CMYA5: variants seen among roughly 807,000 people sequenced by gnomAD.
The protein encoded by CMYA5 is cardiomyopathy associated 5.
In CMYA5, 246 loss-of-function variants were observed where a neutral mutation model predicts 318.9. That is an observed-to-expected ratio of 0.77 (90% CI 0.70 to 0.86). The LOEUF (loss-of-function observed/expected upper bound fraction) is 0.86. CMYA5 is among the 40% of genes least tolerant of loss of function. CMYA5 has a pLI of 0.00. For missense variants in CMYA5, 4,589 were observed against 4,678.2 expected, an observed-to-expected ratio of 0.98 and a Z score of 0.56; for synonymous variants, 1,641 against 1,729.5, an observed-to-expected ratio of 0.95 and a Z score of 1.27.
chr5:79,777,500 G>C (rs746733122), intron 9 of CMYA5, among the ~76,000 whole-genome samples: 2 of 152,174 alleles, frequency 1.3e-5, no homozygotes, highest in Non-Finnish European at 2.9e-5. Context: ...GGCCAGGTGT[G>C]ATGGCTCATG....
At chr5:79,789,186 A>C (rs1233971391) in intron 10 of CMYA5, 82 bp downstream of exon 10, 6 of 1,470,532 alleles carry the variant, frequency 4.1e-6, no homozygotes, top group Non-Finnish European at 5.6e-6. Context: ...CCTAGAGGGC[A>C]ACTTTATAAA....
At chr5:79,701,090 C>CCAAAAAAAAAAA (rs55791310) in intron 1 of CMYA5, among the ~76,000 whole-genome samples, 5 of 114,928 alleles carry the variant, frequency 4.4e-5, no homozygotes, top group African/African-American at 3.1e-5. Flanking sequence ...ACTAAAAATA[C>CCAAAAAAAAAAA]AAAAAAAAAA....
At chr5:79,790,592 A>C (rs1241587074) in intron 10 of CMYA5, among the ~76,000 whole-genome samples, 2 of 152,144 alleles carry the variant, frequency 1.3e-5, no homozygotes, top group African/African-American at 4.8e-5. Flanking sequence ...TTTAATATGC[A>C]CACAGATTTC....
chr5:79,725,830 G>T (rs1827736834), intron 1 of CMYA5, among the ~76,000 whole-genome samples: 1 of 152,186 alleles, frequency 6.6e-6, no homozygotes, highest in Non-Finnish European at 1.5e-5. Flanking sequence ...CTTAAACCCA[G>T]GAGGCAGAGG....
chr5:79,733,506 G>T lies in CMYA5; in HGVS notation c.4741G>T (p.Ala1581Ser). 1 of 1,613,956 alleles carries T rather than the reference G, an allele frequency of 6.2e-7. No homozygotes were observed. The highest frequency in any genetic ancestry group is 8.5e-7 in the Non-Finnish European group (1 of 1,179,840). Reference sequence around the variant, plus strand: ...GTTGGAAAATTTAGCATCAGGTTTAGCCCCAACATTACTGCTCCTCAGTGA... The same window carrying T: ...GTTGGAAAATTTAGCATCAGGTTTATCCCCAACATTACTGCTCCTCAGTGA... ...PELENLASGL[A>S]PTLLLLSDDK... Residue 1581 changes from alanine to serine, a missense_variant, in exon 2 of 13, where the codon GCC becomes TCC. Physicochemically the swap from Ala to Ser is moderately conservative, Grantham distance 99 (BLOSUM62 1). Transcript: ENST00000446378.
intron 1 of CMYA5, among the ~76,000 whole-genome samples, chr5:79,724,801 T>C (rs12655355): frequency 0.082 from 12,438 of 152,280 alleles, 883 homozygotes; most frequent in East Asian, 0.4. Flanking sequence ...ATGCTAATAC[T>C]GTATAATCAT....
intron 5 of CMYA5, among the ~76,000 whole-genome samples, chr5:79,751,615 C>G (rs1045176193): frequency 2.0e-5 from 3 of 152,134 alleles, no homozygotes; most frequent in African/African-American, 7.2e-5. Context: ...ATATCCACAC[C>G]CCCACAAAAC....
At chr5:79,772,252 A>G (rs1159524684) in intron 9 of CMYA5, among the ~76,000 whole-genome samples, 1 of 152,198 alleles carries the variant, frequency 6.6e-6, no homozygotes, top group African/African-American at 2.4e-5. Context: ...GTTGCAGGCA[A>G]GCATATTAGG....
chr5:79,763,392 A>G (rs1441288560), intron 9 of CMYA5, 183 bp downstream of exon 9: 1 of 565,690 alleles, frequency 1.8e-6, no homozygotes, highest in African/African-American at 1.9e-5. Flanking sequence ...CAAGTTTGTA[A>G]TAAAACACAG....
rs1413337212 is a variant in CMYA5, at chr5:79,793,475, G to A, written c.11828G>A (p.Gly3943Asp). ...SVLGEELPSC[G>D]QHYWETTVTD... ...CTGGGTGAGGAGCTGCCTTCCTGTG[G>A]CCAGCATTACTGGGAAACCACAGTC... The change falls in exon 12 of 13, where the codon GGC becomes GAC. Residue 3943 changes from glycine to aspartate, a missense_variant. Gly to Asp is a moderately conservative substitution (Grantham distance 94, BLOSUM62 -1). Transcript: ENST00000446378. 6.2e-7 allele frequency: 1 copy of A among 1,613,626 alleles called. No homozygotes were observed. Among genetic ancestry groups the A allele is most frequent in the Admixed American group, 1.7e-5 (1 of 59,996 alleles).
At chr5:79,759,844 T>C (rs1472759208) in intron 7 of CMYA5, among the ~76,000 whole-genome samples, 1 of 152,208 alleles carries the variant, frequency 6.6e-6, no homozygotes, top group Non-Finnish European at 1.5e-5. Flanking sequence ...AAAAAAGCAA[T>C]TATAGGCATG....
intron 9 of CMYA5, among the ~76,000 whole-genome samples, chr5:79,764,839 T>TGTTTG (rs796623592): frequency 6.6e-6 from 1 of 151,842 alleles, no homozygotes; most frequent in African/African-American, 2.4e-5. Flanking sequence ...TTGATGGGGT[T>TGTTTG]TTTTTTTCTT....
intron 4 of CMYA5, among the ~76,000 whole-genome samples, 151 bp downstream of exon 4, chr5:79,745,606 T>C (rs1467414466): frequency 6.6e-6 from 1 of 152,240 alleles, no homozygotes; most frequent in African/African-American, 2.4e-5. Flanking sequence ...TGGGCATGCC[T>C]GATGCCTATA....
chr5:79,700,420 C>T (rs922383125), intron 1 of CMYA5, among the ~76,000 whole-genome samples: 17 of 152,136 alleles, frequency 1.1e-4, no homozygotes, highest in African/African-American at 4.1e-4. Context: ...GCTCATAAAT[C>T]ATGGGAAGGT....
At chr5:79,710,816 T>C (rs1353791839) in intron 1 of CMYA5, among the ~76,000 whole-genome samples, 1 of 152,144 alleles carries the variant, frequency 6.6e-6, no homozygotes, top group Non-Finnish European at 1.5e-5. Flanking sequence ...TTTAAAACAT[T>C]TTACTGGATC....
chr5:79,736,312 A>T lies in CMYA5; in HGVS notation c.7547A>T (p.His2516Leu). The change falls in exon 2 of 13, where the codon CAC (histidine) becomes CTC (leucine). Residue 2516 changes from histidine (H) to leucine (L), a missense_variant. By Grantham distance (99) the His-to-Leu change is moderately conservative. Around this residue, in one of 3 missense-constraint regions of CMYA5, gnomAD observed 2,431 missense variants for 2,495.1 expected, o/e 0.97. Transcript: ENST00000446378. ...KESKADAMPQ[H>L]FYQNEDYNER... ...TCAAAAGCCGATGCTATGCCACAGCACTTCTATCAAAATGAAGACTACAAT... is the reference window on the plus strand; with the variant it reads ...TCAAAAGCCGATGCTATGCCACAGCTCTTCTATCAAAATGAAGACTACAAT... 2 of 1,613,630 alleles carry T rather than the reference A, an allele frequency of 1.2e-6. No individual in the cohort carries two copies. The highest frequency in any genetic ancestry group is 1.7e-6 in the Non-Finnish European group (2 of 1,179,758).
chr5:79,718,928 T>C (rs1827568829), intron 1 of CMYA5, among the ~76,000 whole-genome samples: 1 of 152,182 alleles, frequency 6.6e-6, no homozygotes, highest in Non-Finnish European at 1.5e-5. Flanking sequence ...CTCTCTGTAA[T>C]AGACTCTACC....
chr5:79,719,852 C>T (rs1020111599), intron 1 of CMYA5, among the ~76,000 whole-genome samples: 4 of 151,732 alleles, frequency 2.6e-5, no homozygotes, highest in East Asian at 1.9e-4. Context: ...ATAGGGATGG[C>T]GGATATGGAA....
chr5:79,787,095 A>G (rs1365858837), intron 9 of CMYA5, among the ~76,000 whole-genome samples: 5 of 152,214 alleles, frequency 3.3e-5, no homozygotes, highest in African/African-American at 1.2e-4. Context: ...AAGGGCAAAC[A>G]CTTACCTACA....
Sources: allele counts gnomAD v4.1 joint callset (sites outside exome capture counted in the v4.1 genomes callset), GRCh38; gene constraint gnomAD v4.1.1; regional missense constraint gnomAD v4.1.1; transcripts MANE v1.5; gene names NCBI Gene and HGNC (gene_info 2026-07-23, HGNC 2026-07-21).